Variants in RIN3 observed in about 807,000 individuals in gnomAD.
RIN3 encodes the protein Ras and Rab interactor 3, also known as RAB5 interacting protein 3.
In RIN3, 54 loss-of-function variants were observed where a neutral mutation model predicts 76.3. The ratio of observed to expected loss-of-function variants is 0.71; its 90% CI spans 0.57 to 0.89. The LOEUF is 0.89. RIN3 is among the 40% of genes least tolerant of loss of function. RIN3 has a pLI of 0.00. For missense variants in RIN3, 1,256 were observed against 1,322.1 expected (o/e 0.95, Z 0.78); for synonymous variants, 576 against 564.0 (o/e 1.02, Z -0.30).
At chr14:92,534,476 A>G (rs1595394104) in intron 1 of RIN3, among the ~76,000 whole-genome samples, 1 of 151,654 alleles carries the variant, frequency 6.6e-6, no homozygotes, top group East Asian at 1.9e-4. Context: ...GCTACTCAGG[A>G]GGCTGAGGCA....
chr14:92,519,480 C>G (rs1205983411), intron 1 of RIN3, among the ~76,000 whole-genome samples: 1 of 152,146 alleles, frequency 6.6e-6, no homozygotes, highest in African/African-American at 2.4e-5. Context: ...TGGAGCCTGC[C>G]TGGCCATCAG....
intron 2 of RIN3, among the ~76,000 whole-genome samples, chr14:92,561,142 T>C (rs1897764453): frequency 2.1e-5 from 1 of 47,466 alleles, no homozygotes; most frequent in Non-Finnish European, 4.5e-5. Flanking sequence ...TATTTATATA[T>C]ATTTTTATAT....
At chr14:92,632,189 C>G (rs142856124) in intron 4 of RIN3, among the ~76,000 whole-genome samples, 3 of 152,246 alleles carry the variant, frequency 2.0e-5, no homozygotes, top group African/African-American at 7.2e-5. Flanking sequence ...CAGGACAATC[C>G]CTGATGGTCC....
intron 4 of RIN3, among the ~76,000 whole-genome samples, chr14:92,622,522 A>C (rs1458310233): frequency 6.6e-6 from 1 of 152,230 alleles, no homozygotes; most frequent in Admixed American, 6.5e-5. Context: ...TTACTTCTGT[A>C]GAAGGGCGCT....
At chr14:92,556,621 C>A (rs201307626) in intron 2 of RIN3, among the ~76,000 whole-genome samples, 1 of 105,952 alleles carries the variant, frequency 9.4e-6, no homozygotes, top group Non-Finnish European at 2.0e-5. Context: ...TACAGACAGA[C>A]AACAGATAAG....
At chr14:92,602,404 C>A (rs918238841) in intron 3 of RIN3, among the ~76,000 whole-genome samples, 3 of 152,178 alleles carry the variant, frequency 2.0e-5, no homozygotes, top group African/African-American at 7.2e-5. Context: ...CTGTAGGAGG[C>A]ACTGGGACAC....
At chr14:92,633,682 C>CTGGAGAAT (rs1886668792) in intron 4 of RIN3, among the ~76,000 whole-genome samples, 1 of 152,156 alleles carries the variant, frequency 6.6e-6, no homozygotes, top group South Asian at 2.1e-4. Context: ...CAGTTGGTGT[C>CTGGAGAAT]TGGAGAATTG....
At chr14:92,546,623 G>A (rs1272255829) in intron 1 of RIN3, among the ~76,000 whole-genome samples, 3 of 152,182 alleles carry the variant, frequency 2.0e-5, no homozygotes, top group Non-Finnish European at 2.9e-5. Flanking sequence ...GAATGGGGCT[G>A]CTGGAATCTG....
chr14:92,615,714 C>A, intron 4 of RIN3: 1 of 528,192 alleles, frequency 1.9e-6, no homozygotes, highest in Non-Finnish European at 3.4e-6. Context: ...TGGCTCACGG[C>A]CTGTCTCTCA....
intron 5 of RIN3, among the ~76,000 whole-genome samples, chr14:92,642,842 C>T (rs1887067271): frequency 6.6e-6 from 1 of 152,310 alleles, no homozygotes; most frequent in African/African-American, 2.4e-5. Context: ...TCCATGAGCA[C>T]TGACTGCGTT....
At position 92,648,193 on chromosome 14, in the gene RIN3, A is replaced by C. The variant is rs1228170450; in HGVS notation, c.533-3389A>C. Among the ~76,000 whole-genome samples, 2 of 132,724 alleles carry C rather than the reference A, an allele frequency of 1.5e-5. No homozygotes were observed. Among genetic ancestry groups the C allele is most frequent in the Admixed American group, 8.0e-5 (1 of 12,452 alleles). The allele number at this position is 132,724 out of a possible 152,430, so 87.1% of individuals were successfully genotyped here. A position where few individuals can be genotyped will look rare whatever the true frequency, so the allele number is the denominator to read the frequency against. ...AGCCCATTAGCTCCTGGCTTCCCCC[A>C]CTCCTTGGAGTCACATTGGCTTTGA... On this transcript the variant is annotated intron_variant, in intron 5 of 9. Coordinates refer to ENST00000216487, the MANE Select transcript of RIN3 (RefSeq NM_024832.5). The surrounding 1 kb of genome is among the most constrained non-coding windows in gnomAD (Gnocchi z 4.1).
intron 3 of RIN3, among the ~76,000 whole-genome samples, chr14:92,594,739 C>T (rs1885097288): frequency 6.6e-6 from 1 of 152,226 alleles, no homozygotes; most frequent in Non-Finnish European, 1.5e-5. Flanking sequence ...ATATTTACTT[C>T]TCTCACTTAA....
chr14:92,673,664 C>A (rs1390407627), intron 7 of RIN3, among the ~76,000 whole-genome samples: 1 of 152,314 alleles, frequency 6.6e-6, no homozygotes, highest in Non-Finnish European at 1.5e-5. Context: ...CGCCACCACT[C>A]CTGGCTAATT....
chr14:92,617,145 C>G (rs1054284866), intron 4 of RIN3, among the ~76,000 whole-genome samples: 1 of 151,812 alleles, frequency 6.6e-6, no homozygotes, highest in Non-Finnish European at 1.5e-5. Context: ...CTAAAAATAC[C>G]AAAAATTAGC....
At position 92,685,040 on chromosome 14, in the gene RIN3, G is replaced by A. The variant is rs749336521; in HGVS notation, c.2521G>A (p.Asp841Asn). The stretch of plus-strand genomic sequence containing the variant: ...GGCCCTGGAGCACATCAAGAGCTAC[G>A]ACAAGATCACGGTGACCCGGCAGCT... ...YGALEHIKSY[D>N]KITVTRQLSV... is the part of the protein sequence containing the mutation. The change falls in exon 9 of 10, where the codon GAC becomes AAC. Residue 841 changes from aspartate to asparagine, a missense_variant. This residue lies in a region of RIN3 where 428 missense variants were observed against 521.2 expected (regional missense o/e 0.82). Transcript: ENST00000216487. The surrounding 1 kb of genome is among the most constrained non-coding windows in gnomAD (Gnocchi z 4.7). 12 of 1,614,078 alleles carry A rather than the reference G, an allele frequency of 7.4e-6. No individual in the cohort carries two copies. In the Admixed American group the frequency reaches 1.5e-4, roughly 20 times the overall value.
chr14:92,634,866 AAAAAAAGGTGGATTC>A (rs1886719401), intron 4 of RIN3, among the ~76,000 whole-genome samples: 1 of 151,610 alleles, frequency 6.6e-6, no homozygotes. Flanking sequence ...TAAAAAAAAA[AAAAAAAGGTGGATTC>A]TCAGCCTACC....
intron 3 of RIN3, among the ~76,000 whole-genome samples, chr14:92,592,934 A>G (rs1412948001): frequency 6.6e-6 from 1 of 151,420 alleles, no homozygotes; most frequent in Non-Finnish European, 1.5e-5. Context: ...TCGGCCTCCC[A>G]AAGTGCTGGG....
At chr14:92,635,384 AG>A (rs1886738314) in intron 4 of RIN3, among the ~76,000 whole-genome samples, 2 of 152,236 alleles carry the variant, frequency 1.3e-5, no homozygotes, top group African/African-American at 2.4e-5. Flanking sequence ...GAACCAGTAC[AG>A]GCTGCTCCAT....
intron 3 of RIN3, among the ~76,000 whole-genome samples, chr14:92,591,078 T>C (rs1161969073): frequency 6.6e-6 from 1 of 152,158 alleles, no homozygotes; most frequent in Non-Finnish European, 1.5e-5. Context: ...AGGACTCTAA[T>C]GGCTAAAGTA....
Sources: gnomAD v4.1 joint callset for allele counts (sites outside exome capture counted in the v4.1 genomes callset) on GRCh38, gnomAD v4.1.1 for gene constraint, gnomAD v4.1.1 regional missense constraint, Gnocchi (gnomAD v3.1) non-coding constraint, MANE v1.5 for transcripts, NCBI Gene and HGNC (gene_info 2026-07-23, HGNC 2026-07-21) for gene names.